HEATR5B: variants seen among roughly 807,000 people sequenced by gnomAD.
HEATR5B encodes HEAT repeat-containing protein 5B.
Under a neutral mutation model 224.1 loss-of-function variants are expected in HEATR5B, and 156 were observed. The observed-to-expected ratio is 0.70, with a 90% CI of 0.61 to 0.80. The LOEUF (loss-of-function observed/expected upper bound fraction) is 0.80. HEATR5B is among the 30% of genes least tolerant of loss of function. The pLI is 0.00. For missense variants in HEATR5B, 2,323 were observed against 2,535.5 expected, an observed-to-expected ratio of 0.92 and a Z score of 1.80; for synonymous variants, 1,027 against 893.0, an observed-to-expected ratio of 1.15 and a Z score of -2.68.
At chr2:37,006,547 A>C (rs762362490) in intron 29 of HEATR5B, among the ~76,000 whole-genome samples, 2 of 152,222 alleles carry the variant, frequency 1.3e-5, no homozygotes, top group African/African-American at 2.4e-5. Flanking sequence ...AGGCTGAGGC[A>C]GGAGAATCGC....
At chr2:37,030,224 A>C (rs931916683) in intron 22 of HEATR5B, among the ~76,000 whole-genome samples, 5 of 152,176 alleles carry the variant, frequency 3.3e-5, no homozygotes, top group Non-Finnish European at 7.3e-5. Context: ...ATACAGAATA[A>C]GGGGAGGTTT....
intron 28 of HEATR5B, 32 bp from the exon 29 acceptor site, chr2:37,007,336 A>ACTTTTTTTT (rs144903928): frequency 4.9e-6 from 6 of 1,235,266 alleles, no homozygotes. Context: ...TAAAAACATT[A>ACTTTTTTTT]CTTTTTTTTT....
chr2:37,022,467 A>G (rs772247711), intron 24 of HEATR5B, among the ~76,000 whole-genome samples: 1 of 152,184 alleles, frequency 6.6e-6, no homozygotes, highest in Non-Finnish European at 1.5e-5. Context: ...GTGAGCCACC[A>G]TGCCTGGGCT....
chr2:37,083,131 G>T (rs925076134), intron 2 of HEATR5B, among the ~76,000 whole-genome samples, 158 bp downstream of exon 2: 4 of 152,140 alleles, frequency 2.6e-5, no homozygotes, highest in African/African-American at 9.7e-5. Context: ...ATTTAAACGA[G>T]GTTTGAGTTT....
rs200270406 is a variant in HEATR5B, at chr2:37,000,078, A to T, written c.5545+508T>A. ...AACCTCCCAGTATATTTATATATAT[A>T]TTTTTTTTGAGACAGAGTTTCAAAA... On this transcript the variant is annotated intron_variant, in intron 33 of 35. Coordinates refer to ENST00000233099, the MANE Select transcript of HEATR5B (RefSeq NM_019024.3). Among the ~76,000 whole-genome samples, 234 of 151,516 alleles carry T rather than the reference A, an allele frequency of 1.5e-3. 1 individual carries two copies. In the Middle Eastern group the frequency reaches 0.031, roughly 20 times the overall value.
intron 6 of HEATR5B, 93 bp from the exon 7 acceptor site, chr2:37,070,480 A>C: frequency 1.1e-6 from 1 of 919,992 alleles, no homozygotes. Context: ...ACACTTTACT[A>C]CAATGGGGAA....
At chr2:37,062,263 C>T (rs1469953787) in intron 10 of HEATR5B, among the ~76,000 whole-genome samples, 1 of 151,788 alleles carries the variant, frequency 6.6e-6, no homozygotes, top group Admixed American at 6.6e-5. Flanking sequence ...CCTGTCTCTA[C>T]CAAAAAATAC....
intron 5 of HEATR5B, among the ~76,000 whole-genome samples, chr2:37,073,139 C>A (rs911535961): frequency 4.6e-5 from 7 of 152,266 alleles, no homozygotes; most frequent in Admixed American, 6.5e-5. Context: ...GACAAAGACA[C>A]TACGTGAAAA....
intron 35 of HEATR5B, among the ~76,000 whole-genome samples, chr2:36,986,243 A>T (rs1665940652): frequency 6.6e-6 from 1 of 152,240 alleles, no homozygotes; most frequent in South Asian, 2.1e-4. Context: ...TTGCCTAAAT[A>T]ACCTATATTG....
At chr2:37,038,063 T>A in intron 20 of HEATR5B, 39 bp from the exon 21 acceptor site, 1 of 1,311,464 alleles carries the variant, frequency 7.6e-7, no homozygotes, top group Non-Finnish European at 1.0e-6. Context: ...TATAATTATT[T>A]TATTAGTACC....
At chr2:37,015,879 A>G (rs1668081288) in intron 26 of HEATR5B, among the ~76,000 whole-genome samples, 2 of 152,190 alleles carry the variant, frequency 1.3e-5, no homozygotes, top group African/African-American at 4.8e-5. Context: ...ATTTTTTTCA[A>G]GGACAGCTTT....
intron 17 of HEATR5B, among the ~76,000 whole-genome samples, chr2:37,050,690 T>A (rs777875564): frequency 6.6e-6 from 1 of 152,164 alleles, no homozygotes; most frequent in African/African-American, 2.4e-5. Context: ...ATAGTTTATA[T>A]AAAAATTTCA....
At chr2:37,064,679 C>T (rs764428019) in intron 10 of HEATR5B, 61 bp downstream of exon 10, 16 of 1,563,470 alleles carry the variant, frequency 1.0e-5, no homozygotes, top group South Asian at 9.1e-5. Context: ...AACACAGCAG[C>T]GTTCCTATAA....
chr2:36,991,844 A>C lies in HEATR5B; in HGVS notation c.5546-1045T>G, dbSNP rs189569865. ...GACATGCTAACATTATCTCATAATA[A>C]GGGTACCAGCTTTTTGTAATATGGA... is the stretch of plus-strand genomic sequence containing the variant. On this transcript the variant is annotated intron_variant, in intron 33 of 35. Coordinates refer to ENST00000233099, the MANE Select transcript of HEATR5B (RefSeq NM_019024.3). Among the ~76,000 whole-genome samples, 236 of 152,312 alleles carry C rather than the reference A, an allele frequency of 1.5e-3. 2 individuals are homozygous for C. The highest frequency in any genetic ancestry group is 5.5e-3 in the African/African-American group (229 of 41,568).
At chr2:37,059,814 G>C (rs1326251793) in intron 12 of HEATR5B, among the ~76,000 whole-genome samples, 1 of 151,928 alleles carries the variant, frequency 6.6e-6, no homozygotes, top group Non-Finnish European at 1.5e-5. Flanking sequence ...AAATATATAT[G>C]TATATAAACA....
chr2:37,047,112 G>A (rs1202934547), intron 18 of HEATR5B, among the ~76,000 whole-genome samples: 1 of 150,176 alleles, frequency 6.7e-6, no homozygotes, highest in Non-Finnish European at 1.5e-5. Flanking sequence ...AAGAGGCTGA[G>A]GTGAGAGGGC....
At chr2:37,048,052 T>C (rs1670311451) in intron 18 of HEATR5B, among the ~76,000 whole-genome samples, 1 of 152,156 alleles carries the variant, frequency 6.6e-6, no homozygotes, top group African/African-American at 2.4e-5. Flanking sequence ...CATAAGGATT[T>C]GAAAAAGATA....
chr2:37,068,622 T>C, intron 8 of HEATR5B, 59 bp downstream of exon 8: 2 of 1,542,820 alleles, frequency 1.3e-6, no homozygotes, highest in Non-Finnish European at 1.8e-6. Context: ...TTATTAAGAA[T>C]CATAATAAAG....
chr2:37,050,878 A>C (rs1302667055), intron 17 of HEATR5B, among the ~76,000 whole-genome samples: 1 of 151,916 alleles, frequency 6.6e-6, no homozygotes, highest in East Asian at 1.9e-4. Context: ...TCTCTACTAA[A>C]AATACAAAAA....
Sources: allele counts gnomAD v4.1 joint callset (sites outside exome capture counted in the v4.1 genomes callset), GRCh38; gene constraint gnomAD v4.1.1; transcripts MANE v1.5; gene names NCBI Gene and HGNC (gene_info 2026-07-23, HGNC 2026-07-21).